NRCAM: variants seen among roughly 807,000 people sequenced by gnomAD.
The protein encoded by NRCAM is NgCAM-related cell adhesion molecule.
Under a neutral mutation model 156.5 loss-of-function variants are expected in NRCAM, and 83 were observed. That is an observed-to-expected ratio of 0.53 (90% CI 0.44 to 0.64). NRCAM has a LOEUF of 0.64. Among genes scored for constraint, NRCAM ranks in the 30% least tolerant of loss-of-function variants. NRCAM has a pLI of 0.00. For missense variants in NRCAM, 1,417 were observed against 1,597.3 expected (o/e 0.89, Z 1.92); for synonymous variants, 538 against 563.9 (o/e 0.95, Z 0.65).
chr7:108,256,047 G>C (rs2096640873), intron 3 of NRCAM, among the ~76,000 whole-genome samples: 1 of 151,784 alleles, frequency 6.6e-6, no homozygotes, highest in Non-Finnish European at 1.5e-5. Context: ...TCCGGGAGGT[G>C]GGGGGCGCCT....
intron 11 of NRCAM, among the ~76,000 whole-genome samples, chr7:108,216,264 T>A (rs1231566760): frequency 6.6e-6 from 1 of 152,154 alleles, no homozygotes; most frequent in Non-Finnish European, 1.5e-5. Context: ...GCTTGTAGGG[T>A]TTCTGCCAAA....
chr7:108,281,167 C>T (rs2097845959), intron 3 of NRCAM, among the ~76,000 whole-genome samples: 1 of 152,016 alleles, frequency 6.6e-6, no homozygotes, highest in Admixed American at 6.5e-5. Flanking sequence ...TTCCTCTTAA[C>T]CTGATGAAAT....
intron 3 of NRCAM, among the ~76,000 whole-genome samples, chr7:108,260,958 C>T (rs2096866140): frequency 6.6e-6 from 1 of 152,070 alleles, no homozygotes; most frequent in African/African-American, 2.4e-5. Context: ...TAAGAATCAA[C>T]TGGTTGATTG....
chr7:108,150,432 C>T (rs1210763609), intron 32 of NRCAM, among the ~76,000 whole-genome samples: 1 of 152,116 alleles, frequency 6.6e-6, no homozygotes, highest in Admixed American at 6.6e-5. Flanking sequence ...CAGAAATAAT[C>T]ACAAGCATTA....
intron 5 of NRCAM, among the ~76,000 whole-genome samples, chr7:108,235,448 C>A (rs1454160073): frequency 6.6e-6 from 1 of 152,176 alleles, no homozygotes; most frequent in Non-Finnish European, 1.5e-5. Context: ...TGTCCTTCTT[C>A]TTGTGAGATC....
intron 1 of NRCAM, among the ~76,000 whole-genome samples, chr7:108,418,028 A>G (rs933598286): frequency 6.6e-6 from 1 of 152,116 alleles, no homozygotes; most frequent in African/African-American, 2.4e-5. Flanking sequence ...CAGAAGAATA[A>G]AAGCATGGAG....
intron 3 of NRCAM, among the ~76,000 whole-genome samples, chr7:108,286,986 A>G (rs2098123134): frequency 6.6e-6 from 1 of 152,154 alleles, no homozygotes; most frequent in Non-Finnish European, 1.5e-5. Context: ...ACAGTCAACA[A>G]AAATATACAC....
chr7:108,234,151 A>G (rs2094639779), intron 6 of NRCAM, among the ~76,000 whole-genome samples: 1 of 152,230 alleles, frequency 6.6e-6, no homozygotes, highest in Non-Finnish European at 1.5e-5. Flanking sequence ...TAAAGCCCAG[A>G]GAAAAGGGAT....
intron 2 of NRCAM, among the ~76,000 whole-genome samples, chr7:108,351,867 T>C (rs1449154552): frequency 6.6e-6 from 1 of 151,952 alleles, no homozygotes; most frequent in Non-Finnish European, 1.5e-5. Context: ...GTGCAAACAC[T>C]ACAGTGCAAT....
chr7:108,198,126 T>C (rs777370142), intron 13 of NRCAM, 27 bp from the exon 14 acceptor site: 23 of 1,565,680 alleles, frequency 1.5e-5, no homozygotes, highest in Middle Eastern at 1.8e-4. Context: ...ATAGAAAGTA[T>C]TTATTCCTAT....
In NRCAM at chr7:108,180,326, C is replaced by T. The variant is rs1331489205; in HGVS notation, c.2748G>A (p.Pro916=). 8.1e-6 allele frequency: 13 copies of T among 1,614,054 alleles called. No individual in the cohort carries two copies. The highest frequency in any genetic ancestry group is 4.0e-5 in the African/African-American group (3 of 74,930). ...FQGSKTHGML[P]GLEPFSHYTL... is the part of the protein sequence containing the mutation. ...TGTAGTGGCTAAAGGGCTCTAGCCCCGGCAACATGCCATGAGTCTTGCTGC... is the reference window on the plus strand; with the variant it reads ...TGTAGTGGCTAAAGGGCTCTAGCCCTGGCAACATGCCATGAGTCTTGCTGC... The change falls in exon 25 of 33, where the codon CCG becomes CCA. Residue 916 remains proline, a synonymous_variant. Transcript: ENST00000379028.
intron 3 of NRCAM, among the ~76,000 whole-genome samples, chr7:108,279,932 G>A (rs2300010): frequency 0.038 from 5,762 of 152,194 alleles, 167 homozygotes; most frequent in South Asian, 0.12. Flanking sequence ...AAATGTGGGC[G>A]GAGTGTTTTA....
chr7:108,346,319 C>T (rs191335661), intron 2 of NRCAM, among the ~76,000 whole-genome samples: 2 of 152,274 alleles, frequency 1.3e-5, no homozygotes, highest in East Asian at 3.9e-4. Context: ...TTATTTGAGT[C>T]TCCTGATTTC....
chr7:108,300,653 A>T (rs2098588953), intron 3 of NRCAM, among the ~76,000 whole-genome samples: 1 of 152,212 alleles, frequency 6.6e-6, no homozygotes, highest in African/African-American at 2.4e-5. Context: ...TGATAAAGGC[A>T]TCAGGCAAAA....
intron 2 of NRCAM, among the ~76,000 whole-genome samples, chr7:108,370,314 G>A (rs1026785437): frequency 2.6e-5 from 4 of 152,072 alleles, no homozygotes; most frequent in Non-Finnish European, 5.9e-5. Flanking sequence ...TGTATATTTG[G>A]AGGGCTTTCT....
intron 11 of NRCAM, among the ~76,000 whole-genome samples, chr7:108,216,025 T>C (rs1453014318): frequency 6.6e-6 from 1 of 152,176 alleles, no homozygotes; most frequent in Non-Finnish European, 1.5e-5. Context: ...TTACAATTCG[T>C]TATGTTTTTG....
At chr7:108,191,885 A>G (rs1048350633) in intron 17 of NRCAM, 32 bp from the exon 18 acceptor site, 1 of 1,602,948 alleles carries the variant, frequency 6.2e-7, no homozygotes, top group South Asian at 1.1e-5. Context: ...AGCAGCTGAA[A>G]TGGACATGCA....
chr7:108,215,812 C>T (rs1313709072), intron 11 of NRCAM, among the ~76,000 whole-genome samples: 2 of 149,624 alleles, frequency 1.3e-5, no homozygotes, highest in African/African-American at 4.9e-5. Flanking sequence ...TGTATTTGCA[C>T]ATGAGGCTGG....
intron 3 of NRCAM, among the ~76,000 whole-genome samples, chr7:108,257,444 G>A (rs1307754424): frequency 2.6e-5 from 4 of 152,066 alleles, no homozygotes; most frequent in Non-Finnish European, 5.9e-5. Flanking sequence ...CCTTTGCCCC[G>A]GGTAAGTGCT....
Sources: allele counts gnomAD v4.1 joint callset (sites outside exome capture counted in the v4.1 genomes callset), GRCh38; gene constraint gnomAD v4.1.1; transcripts MANE v1.5; gene names NCBI Gene and HGNC (gene_info 2026-07-23, HGNC 2026-07-21).